The following PSPC1 variants were observed in gnomAD, a reference collection of about 807,000 sequenced individuals.
PSPC1 encodes paraspeckle protein 1.
Under a neutral mutation model 51.6 loss-of-function variants are expected in PSPC1, and 14 were observed. That is an observed-to-expected ratio of 0.27 (90% CI 0.18 to 0.42). The LOEUF (loss-of-function observed/expected upper bound fraction) is 0.42, where lower values mean the gene tolerates loss of function less well. Among genes scored for constraint, PSPC1 ranks in the 10% least tolerant of loss-of-function variants. PSPC1 has a pLI of 1.00. For missense variants in PSPC1, 406 were observed against 701.1 expected, an observed-to-expected ratio of 0.58 and a Z score of 4.75; for synonymous variants, 193 against 231.9, an observed-to-expected ratio of 0.83 and a Z score of 1.53.
At chr13:19,767,376 G>C (rs1888176122) in intron 2 of PSPC1, among the ~76,000 whole-genome samples, 1 of 152,004 alleles carries the variant, frequency 6.6e-6, no homozygotes, top group Non-Finnish European at 1.5e-5. Flanking sequence ...AAGTTCCATA[G>C]AGCCAGGAAA....
intron 5 of PSPC1, among the ~76,000 whole-genome samples, chr13:19,733,309 T>C (rs1884356950): frequency 6.6e-6 from 1 of 152,154 alleles, no homozygotes; most frequent in African/African-American, 2.4e-5. Context: ...AGTAAAAGAA[T>C]GGTATTGCTA....
chr13:19,680,320 T>C (rs915925809), intron 6 of PSPC1, among the ~76,000 whole-genome samples: 1 of 152,170 alleles, frequency 6.6e-6, no homozygotes, highest in African/African-American at 2.4e-5. Context: ...CGGCCCAATA[T>C]TTAATTTTTA....
intron 7 of PSPC1, chr13:19,675,904 T>G (rs1419833823): frequency 6.6e-6 from 1 of 152,200 alleles, no homozygotes. Context: ...TTTTAATAAT[T>G]TTACTTTCTT....
chr13:19,705,955 T>A, intron 7 of PSPC1, 124 bp from the exon 8 acceptor site: 1 of 731,954 alleles, frequency 1.4e-6, no homozygotes, highest in Non-Finnish European at 2.1e-6. Context: ...TCCTTAAGAA[T>A]GCGATATGCG....
At chr13:19,778,410 C>G in intron 1 of PSPC1, among the ~76,000 whole-genome samples, 1 of 111,316 alleles carries the variant, frequency 9.0e-6, no homozygotes, top group South Asian at 3.7e-4. Context: ...TCCCTCTCCC[C>G]ACGGTCTCCC....
At chr13:19,765,591 A>G (rs1410271027) in intron 2 of PSPC1, among the ~76,000 whole-genome samples, 1 of 150,734 alleles carries the variant, frequency 6.6e-6, no homozygotes, top group Non-Finnish European at 1.5e-5. Flanking sequence ...CCTTCAGAGT[A>G]GCTGGGACTA....
At chr13:19,764,362 A>G (rs1887861620) in intron 2 of PSPC1, among the ~76,000 whole-genome samples, 1 of 152,140 alleles carries the variant, frequency 6.6e-6, no homozygotes, top group Non-Finnish European at 1.5e-5. Flanking sequence ...ATGCATGCAC[A>G]ATAATTTTTT....
chr13:19,702,629 G>C lies in PSPC1; in HGVS notation c.*546C>G, dbSNP rs1187609325. ...TGTAGCTGGAAATTCCGATTTCACA[G>C]AACATCAGTGGTTTATACAAATTAA... On this transcript the variant is annotated 3_prime_UTR_variant, in exon 9 of 9. Coordinates refer to ENST00000338910, the MANE Select transcript of PSPC1 (RefSeq NM_001354909.2). The C allele has an allele frequency of 6.6e-6, 1 of 152,092 alleles. No homozygotes were observed. 9.4% of individuals were successfully genotyped at this position (152,092 alleles called of 1,614,324 possible). A position where few individuals can be genotyped will look rare whatever the true frequency, so the allele number is the denominator to read the frequency against.
intron 5 of PSPC1, among the ~76,000 whole-genome samples, chr13:19,739,878 A>C (rs1468057482): frequency 2.0e-5 from 3 of 152,010 alleles, no homozygotes; most frequent in Non-Finnish European, 2.9e-5. Context: ...AAAAAAAAAA[A>C]AAACAGTAGT....
chr13:19,685,802 C>T (rs549041250), intron 6 of PSPC1, among the ~76,000 whole-genome samples: 1 of 152,174 alleles, frequency 6.6e-6, no homozygotes, highest in Non-Finnish European at 1.5e-5. Flanking sequence ...CTTACAATGA[C>T]CTCAAGGTTA....
intron 5 of PSPC1, among the ~76,000 whole-genome samples, chr13:19,732,500 C>G (rs1884240408): frequency 6.6e-6 from 1 of 152,104 alleles, no homozygotes; most frequent in Admixed American, 6.5e-5. Flanking sequence ...CCATAATCAA[C>G]CACATTAATA....
intron 6 of PSPC1, among the ~76,000 whole-genome samples, chr13:19,729,397 T>G (rs1310922491): frequency 2.0e-5 from 3 of 151,600 alleles, no homozygotes; most frequent in Admixed American, 6.6e-5. Flanking sequence ...ATTAGCCAGG[T>G]GTGGTGGTGC....
At chr13:19,755,235 C>CAA (rs1164836477) in intron 3 of PSPC1, among the ~76,000 whole-genome samples, 16 of 131,806 alleles carry the variant, frequency 1.2e-4, no homozygotes, top group African/African-American at 4.6e-4. Context: ...GACCCTGTCT[C>CAA]AAAAAAAAAA....
chr13:19,704,650 G>A (rs958066025), intron 8 of PSPC1, among the ~76,000 whole-genome samples: 4 of 150,486 alleles, frequency 2.7e-5, no homozygotes, highest in African/African-American at 9.8e-5. Flanking sequence ...ATGAGAAAAC[G>A]GTTTGCCTAA....
intron 6 of PSPC1, among the ~76,000 whole-genome samples, chr13:19,693,505 G>T (rs1051912198): frequency 2.0e-5 from 3 of 151,948 alleles, no homozygotes; most frequent in Non-Finnish European, 4.4e-5. Context: ...AAATTAAGAT[G>T]AATTACTAAA....
At chr13:19,736,480 G>C (rs553409617) in intron 5 of PSPC1, among the ~76,000 whole-genome samples, 1 of 151,904 alleles carries the variant, frequency 6.6e-6, no homozygotes, top group Non-Finnish European at 1.5e-5. Context: ...TCAGCAGATC[G>C]AGACCATCCT....
chr13:19,727,338 G>A (rs566027441), intron 6 of PSPC1, among the ~76,000 whole-genome samples: 1 of 152,104 alleles, frequency 6.6e-6, no homozygotes, highest in East Asian at 1.9e-4. Context: ...AGGTTGCAGT[G>A]AGCTGAGATC....
chr13:19,710,879 C>G (rs11147454), intron 6 of PSPC1, among the ~76,000 whole-genome samples: 13,021 of 151,942 alleles, frequency 0.086, 596 homozygotes, highest in Middle Eastern at 0.13. Flanking sequence ...GCTCTGTTGC[C>G]CTGGCTGCAG....
chr13:19,778,382 T>TC (rs1889435641), intron 1 of PSPC1, among the ~76,000 whole-genome samples: 1 of 26,732 alleles, frequency 3.7e-5, no homozygotes, highest in African/African-American at 1.7e-4. Context: ...CCCCTCCCCC[T>TC]CCCCCTCCCC....
Sources: allele counts gnomAD v4.1 joint callset (sites outside exome capture counted in the v4.1 genomes callset), GRCh38; gene constraint gnomAD v4.1.1; transcripts MANE v1.5; gene names NCBI Gene and HGNC (gene_info 2026-07-23, HGNC 2026-07-21).